PDE1A: variants seen among roughly 807,000 people sequenced by gnomAD.
PDE1A encodes the protein phosphodiesterase 1A, also known as dual specificity calcium/calmodulin-dependent 3',5'-cyclic nucleotide phosphodiesterase 1A.
A neutral mutation model predicts 61.7 loss-of-function variants in PDE1A; 35 were observed. The ratio of observed to expected loss-of-function variants is 0.57; its 90% confidence interval spans 0.43 to 0.75. The LOEUF is 0.75. Among genes scored for constraint, PDE1A ranks in the 30% least tolerant of loss-of-function variants. The pLI is 0.00. For synonymous variants in PDE1A, 232 were observed against 213.2 expected (o/e 1.09, Z -0.77); for missense variants, 597 against 630.6 (o/e 0.95, Z 0.57).
rs966712378 is a variant in PDE1A, at chr2:182,226,647, C to T, written c.676-2683G>A. Reference sequence around the variant, plus strand: ...ACTCCTGAGGGCAAGCCAGAGAGAACGAGGTTAAATCCTGTCACTCTTCCC... The same window carrying T: ...ACTCCTGAGGGCAAGCCAGAGAGAATGAGGTTAAATCCTGTCACTCTTCCC... On this transcript the variant is annotated intron_variant, in intron 6 of 13. Coordinates refer to ENST00000351439, the Ensembl canonical transcript of PDE1A. 7.2e-4 allele frequency among the ~76,000 whole-genome samples: 108 copies of T among 149,794 alleles called. 11 individuals are homozygous for T. The highest frequency in any genetic ancestry group is 2.6e-3 in the African/African-American group (104 of 39,384).
chr2:182,604,435 T>C, the PDE1A span, among the ~76,000 whole-genome samples: 1 of 152,168 alleles, frequency 6.6e-6, no homozygotes, highest in Non-Finnish European at 1.5e-5. Flanking sequence ...TGTCAATCAT[T>C]ATAATCACAG....
chr2:182,512,082 T>C (rs1200081119), intron 2 of PDE1A, among the ~76,000 whole-genome samples: 1 of 151,178 alleles, frequency 6.6e-6, no homozygotes, highest in Non-Finnish European at 1.5e-5. Flanking sequence ...CACTGGTGAA[T>C]GTGCACACAG....
At chr2:182,341,912 C>G (rs1381212933) in intron 1 of PDE1A, among the ~76,000 whole-genome samples, 1 of 152,086 alleles carries the variant, frequency 6.6e-6, no homozygotes, top group Admixed American at 6.6e-5. Context: ...CACACGCCAC[C>G]ACACCCAGCT....
At chr2:182,687,843 T>C in the PDE1A span, among the ~76,000 whole-genome samples, 1 of 152,164 alleles carries the variant, frequency 6.6e-6, no homozygotes, top group African/African-American at 2.4e-5. Flanking sequence ...AAGGACCTGA[T>C]GGAGCTGAAA....
intron 1 of PDE1A, among the ~76,000 whole-genome samples, chr2:182,358,224 A>T (rs950222833): frequency 6.6e-6 from 1 of 152,150 alleles, no homozygotes; most frequent in Non-Finnish European, 1.5e-5. Context: ...AGCCATGGAT[A>T]GCCTGATTCT....
chr2:182,239,543 T>C (rs920685871), intron 3 of PDE1A, among the ~76,000 whole-genome samples: 2 of 152,062 alleles, frequency 1.3e-5, no homozygotes, highest in Admixed American at 6.5e-5. Context: ...CATTGAAAAC[T>C]CTGATGATAT....
chr2:182,328,527 G>T, intron 1 of PDE1A, among the ~76,000 whole-genome samples: 1 of 152,122 alleles, frequency 6.6e-6, no homozygotes, highest in East Asian at 1.9e-4. Context: ...CAGATTTTAA[G>T]TTCTACTATG....
chr2:182,350,851 T>A (rs1278083492), intron 1 of PDE1A, among the ~76,000 whole-genome samples: 1 of 152,114 alleles, frequency 6.6e-6, no homozygotes, highest in Non-Finnish European at 1.5e-5. Flanking sequence ...ACTACCAATA[T>A]CACCCTCACA....
chr2:182,167,096 AC>A (rs1460974633), downstream of PDE1A, among the ~76,000 whole-genome samples: 2 of 152,140 alleles, frequency 1.3e-5, no homozygotes, highest in African/African-American at 2.4e-5. Flanking sequence ...ACTAAGATGA[AC>A]CCTAAGGTTA....
intron 1 of PDE1A, among the ~76,000 whole-genome samples, chr2:182,292,368 A>G (rs1694595454): frequency 6.6e-6 from 1 of 152,010 alleles, no homozygotes; most frequent in Non-Finnish European, 1.5e-5. Context: ...TTTATAAACA[A>G]AAAAATTATC....
chr2:182,476,397 A>C (rs1687366913), intron 2 of PDE1A, among the ~76,000 whole-genome samples: 2 of 152,090 alleles, frequency 1.3e-5, no homozygotes, highest in South Asian at 4.2e-4. Context: ...AGACTGAGGC[A>C]GGAGAATCAC....
chr2:182,196,322 T>C (rs895258337), intron 10 of PDE1A, among the ~76,000 whole-genome samples: 3 of 151,960 alleles, frequency 2.0e-5, no homozygotes, highest in Non-Finnish European at 4.4e-5. Context: ...CAGGTATTCT[T>C]TGTCTGTTTT....
chr2:182,276,819 C>T (rs974152064), intron 1 of PDE1A, among the ~76,000 whole-genome samples: 1 of 151,918 alleles, frequency 6.6e-6, no homozygotes, highest in Non-Finnish European at 1.5e-5. Context: ...GGAATGCATT[C>T]GTTGGGGGAG....
chr2:182,585,852 T>TTC, the PDE1A span, among the ~76,000 whole-genome samples: 11 of 152,206 alleles, frequency 7.2e-5, no homozygotes, highest in Non-Finnish European at 1.2e-4. Context: ...TTTAAACATA[T>TTC]TCTTGTTTAC....
intron 1 of PDE1A, among the ~76,000 whole-genome samples, chr2:182,401,158 C>A (rs151040435): frequency 6.6e-6 from 1 of 152,304 alleles, no homozygotes; most frequent in Non-Finnish European, 1.5e-5. Flanking sequence ...AGGGACTCTT[C>A]TCTAACTCAT....
chr2:182,481,775 G>C (rs567511592), intron 2 of PDE1A, among the ~76,000 whole-genome samples: 1 of 151,960 alleles, frequency 6.6e-6, no homozygotes, highest in East Asian at 1.9e-4. Context: ...TTTTGTCCCT[G>C]CAGAGCAGAT....
At chr2:182,441,165 C>T (rs1684768169) in intron 2 of PDE1A, among the ~76,000 whole-genome samples, 1 of 152,012 alleles carries the variant, frequency 6.6e-6, no homozygotes, top group African/African-American at 2.4e-5. Flanking sequence ...CATCAGCTCT[C>T]ATGGGACTTA....
At chr2:182,265,760 G>T (rs1016133201) in intron 1 of PDE1A, among the ~76,000 whole-genome samples, 1 of 152,076 alleles carries the variant, frequency 6.6e-6, no homozygotes, top group Non-Finnish European at 1.5e-5. Flanking sequence ...TCTTTACCAA[G>T]TACAAAAGGA....
At chr2:182,198,560 G>A (rs751824566) in intron 10 of PDE1A, among the ~76,000 whole-genome samples, 40 of 151,594 alleles carry the variant, frequency 2.6e-4, no homozygotes, top group Non-Finnish European at 4.7e-4. Context: ...GTCGAATATT[G>A]TCAAATGCAT....
Sources: allele counts gnomAD v4.1 joint callset (sites outside exome capture counted in the v4.1 genomes callset), GRCh38; gene constraint gnomAD v4.1.1; transcripts MANE v1.5; gene names NCBI Gene and HGNC (gene_info 2026-07-23, HGNC 2026-07-21).